The following EGFL7 variants were observed in gnomAD, a reference collection of about 807,000 sequenced individuals.
The protein encoded by EGFL7 is EGF like domain multiple 7.
A neutral mutation model predicts 37.1 loss-of-function variants in EGFL7; 48 were observed. That is an observed-to-expected ratio of 1.29 (90% CI 1.03 to 1.65). The LOEUF is 1.65. EGFL7 is among the 40% of genes most tolerant of loss of function. The pLI is 0.00. For synonymous variants in EGFL7, 180 were observed against 156.8 expected (o/e 1.15, Z -1.10); for missense variants, 384 against 378.9 (o/e 1.01, Z -0.11).
chr9:136,668,419 C>A, intron 4 of EGFL7, 57 bp downstream of exon 4: 1 of 1,526,232 alleles, frequency 6.6e-7, no homozygotes, highest in Non-Finnish European at 8.8e-7. Context: ...GCCCTCAGCA[C>A]CTCCTAGAGG....
At chr9:136,662,420 C>T (rs969926982), upstream of EGFL7, among the ~76,000 whole-genome samples, 86 of 152,336 alleles carry the variant, frequency 5.6e-4, no homozygotes, top group African/African-American at 1.9e-3. Context: ...CCTCGCCACT[C>T]GCCATCCCTC....
At chr9:136,668,743 G>C in intron 5 of EGFL7, 70 bp downstream of exon 5, 2 of 1,290,894 alleles carry the variant, frequency 1.5e-6, no homozygotes, top group Non-Finnish European at 1.1e-6. Context: ...AGCATGTCAG[G>C]GGCGAGGCGG....
intron 8 of EGFL7, 181 bp from the exon 9 acceptor site, chr9:136,670,769 G>C: frequency 1.4e-6 from 1 of 732,394 alleles, no homozygotes; most frequent in East Asian, 2.6e-5. Flanking sequence ...AGAGCCACCC[G>C]CCCCGACGTA....
At chr9:136,670,436 G>T in intron 8 of EGFL7, 106 bp downstream of exon 8, 1 of 1,338,304 alleles carries the variant, frequency 7.5e-7, no homozygotes, top group Non-Finnish European at 1.0e-6. Flanking sequence ...GCGGAAGGCG[G>T]TGGGGACTCC....
upstream of EGFL7, among the ~76,000 whole-genome samples, chr9:136,660,934 C>T (rs759168158): frequency 6.6e-5 from 10 of 152,312 alleles, no homozygotes; most frequent in Admixed American, 1.3e-4. Context: ...CTGGATCTAG[C>T]CCACCCCATG....
chr9:136,664,055 A>G (rs1468759080), intron 2 of EGFL7, among the ~76,000 whole-genome samples: 1 of 151,832 alleles, frequency 6.6e-6, no homozygotes, highest in East Asian at 2.0e-4. Flanking sequence ...TCCCACCCAG[A>G]GGCCCCCTAG....
chr9:136,670,742 A>C (rs947228394), intron 8 of EGFL7: 1 of 738,412 alleles, frequency 1.4e-6, no homozygotes, highest in African/African-American at 1.7e-5. Flanking sequence ...CGTGGCCGGG[A>C]CCCTGAGCCT....
chr9:136,666,998 C>T lies in EGFL7; in HGVS notation c.-42-1243C>T, dbSNP rs145526939. On this transcript the variant is annotated intron_variant, in intron 3 of 10. Coordinates refer to ENST00000308874, the MANE Select transcript of EGFL7 (RefSeq NM_016215.5). This position sits in a 1 kb window ranked among gnomAD's most constrained non-coding sequence, Gnocchi z 6.8. ...GGCAGCCTCTGCCCTGCCCTCCTCT[C>T]TCCAGCGCACAGAGGACTGGAGGCC... 9.2e-3 allele frequency among the ~76,000 whole-genome samples: 1,399 copies of T among 152,216 alleles called. 23 individuals carry two copies. Among genetic ancestry groups the T allele is most frequent in the African/African-American group, 0.031 (1,287 of 41,508 alleles).
In EGFL7 at chr9:136,666,140, G is replaced by C. The variant is rs940154255; in HGVS notation, c.-43+1355G>C. On this transcript the variant is annotated intron_variant, in intron 3 of 10. Coordinates refer to ENST00000308874, the MANE Select transcript of EGFL7 (RefSeq NM_016215.5). The surrounding 1 kb of genome is among the most constrained non-coding windows in gnomAD (Gnocchi z 6.8). ...CTCGTCCGACCCGGCGCGACTCAGCGCCTCGGGGCCCAGCCTGTGCCGCCT... is the reference window on the plus strand; with the variant it reads ...CTCGTCCGACCCGGCGCGACTCAGCCCCTCGGGGCCCAGCCTGTGCCGCCT... Among the ~76,000 whole-genome samples, 1 of 149,156 alleles carries C rather than the reference G, an allele frequency of 6.7e-6. No homozygotes were observed. The highest frequency in any genetic ancestry group is 2.4e-5 in the African/African-American group (1 of 41,122).
rs1002807658 is a variant in EGFL7, at chr9:136,666,199, G to A, written c.-43+1414G>A. On this transcript the variant is annotated intron_variant, in intron 3 of 10. Transcript: ENST00000308874. The surrounding 1 kb of genome is among the most constrained non-coding windows in gnomAD (Gnocchi z 6.8). ...CCCCGCGAACCCCGGAGCCAGCAGCGCGGCTGGGAGGGGGCGGCGGGCAGG... is the reference window on the plus strand; with the variant it reads ...CCCCGCGAACCCCGGAGCCAGCAGCACGGCTGGGAGGGGGCGGCGGGCAGG... Among the ~76,000 whole-genome samples the A allele has an allele frequency of 6.6e-6, 1 of 150,956 alleles. No homozygotes were observed. The highest frequency in any genetic ancestry group is 1.5e-5 in the Non-Finnish European group (1 of 67,504).
chr9:136,671,023 TTGGTGGGGGG>T lies in EGFL7; in HGVS notation c.636+10_636+19del. On this transcript the variant is annotated intron_variant, in intron 9 of 10. Transcript: ENST00000308874. ...TGGACCTGCTGGAGGAGGTGAGGCA[TTGGTGGGGGG>T]GGGGGGGGGCAGGCAGTCCAGGGTG... 1.7e-6 allele frequency: 1 copy of T among 572,930 alleles called. No homozygotes were observed. The highest frequency in any genetic ancestry group is 1.1e-4 in the East Asian group (1 of 8,878). The allele number at this position is 572,930 out of a possible 1,614,324, so 35.5% of individuals were successfully genotyped here. A position where few individuals can be genotyped will look rare whatever the true frequency, so the allele number is the denominator to read the frequency against.
At chr9:136,670,074 G>T in intron 7 of EGFL7, 65 bp downstream of exon 7, 1 of 1,599,932 alleles carries the variant, frequency 6.3e-7, no homozygotes, top group South Asian at 1.1e-5. Flanking sequence ...ATGTCCTGGG[G>T]TTACTGCTGG....
Position 136,670,326 on chromosome 9 carries a change from G to C in EGFL7, c.567G>C (p.Pro189=), listed in dbSNP as rs370399233. The change falls in exon 8 of 11, where the codon CCG becomes CCC. Residue 189 remains proline, a synonymous_variant. Transcript: ENST00000308874. The part of the protein sequence containing the change: ...KGGPPRVAPN[P]TGVDSAMKEE... ...GGCCCCCCAGGGTGGCCCCCAACCC[G>C]ACAGGTAAACAGCCCTGGCTGTGCC... The C allele has an allele frequency of 2.5e-6, 4 of 1,569,912 alleles. No individual in the cohort carries two copies. The South Asian group carries it at 4.6e-5, about 18-fold the overall frequency.
chr9:136,672,587 G>A lies in EGFL7; in HGVS notation c.*301G>A. ...GTACGAGCTCCCTGCTGGAGCCTGG[G>A]ACCCATGGCACAGGCCAGGCAGCCC... On this transcript the variant is annotated 3_prime_UTR_variant, in exon 11 of 11. Transcript: ENST00000308874. 1.8e-6 allele frequency: 1 copy of A among 550,432 alleles called. No individual in the cohort carries two copies. The highest frequency in any genetic ancestry group is 2.4e-5 in the South Asian group (1 of 42,142). The allele number at this position is 550,432 out of a possible 1,614,324, so 34.1% of individuals were successfully genotyped here. A position where few individuals can be genotyped will look rare whatever the true frequency, so the allele number is the denominator to read the frequency against.
upstream of EGFL7, among the ~76,000 whole-genome samples, chr9:136,661,184 G>C (rs560800483): frequency 4.7e-4 from 71 of 152,288 alleles, 1 homozygote; most frequent in South Asian, 0.014. Flanking sequence ...CCAGGGGCGA[G>C]GGCAGAGTCT....
Position 136,671,905 on chromosome 9 carries a change from ACTGCCCTTCTGCACCCACAGAAG to A in EGFL7, c.637-16_643del. ...AGAGGGCGGGGGCCGGCCCAGGGTCACTGCCCTTCTGCACCCACAGAAGCTGCAGCTGGTGCTGGCCCCACTGC... is the reference window on the plus strand; with the variant it reads ...AGAGGGCGGGGGCCGGCCCAGGGTCACTGCAGCTGGTGCTGGCCCCACTGC... On this transcript the variant is annotated splice_acceptor_variant and splice_polypyrimidine_tract_variant and coding_sequence_variant and intron_variant, in exon 10 of 11. Coordinates refer to ENST00000308874, the MANE Select transcript of EGFL7 (RefSeq NM_016215.5). LOFTEE classifies it high-confidence loss of function. 1 of 1,477,708 alleles carries A rather than the reference ACTGCCCTTCTGCACCCACAGAAG, an allele frequency of 6.8e-7. No homozygotes were observed. Among genetic ancestry groups the A allele is most frequent in the Non-Finnish European group, 9.0e-7 (1 of 1,114,746 alleles). 91.5% of individuals were successfully genotyped at this position (1,477,708 alleles called of 1,614,324 possible).
At position 136,669,898 on chromosome 9, in the gene EGFL7, C is replaced by T. The variant is rs1423467339; in HGVS notation, c.314-16C>T. On this transcript the variant is annotated splice_polypyrimidine_tract_variant and intron_variant, in intron 6 of 10. Coordinates refer to ENST00000308874, the MANE Select transcript of EGFL7 (RefSeq NM_016215.5). ...GGGACCCAACTGAGCTGGTGACCAG[C>T]CTCCCCCGCCCACAGCAATATGCCA... 7.7e-6 allele frequency: 12 copies of T among 1,564,986 alleles called. No homozygotes were observed. The highest frequency in any genetic ancestry group is 1.0e-5 in the Non-Finnish European group (12 of 1,155,838).
At position 136,669,285 on chromosome 9, in the gene EGFL7, C is replaced by T. The variant is rs990194154; in HGVS notation, c.198-321C>T. ...CACTCTGCCGTGACTCGCCGTAGGC[C>T]GGGCACACCCTCTCCTCTGGGCCTG... On this transcript the variant is annotated intron_variant, in intron 5 of 10. Coordinates refer to ENST00000308874, the MANE Select transcript of EGFL7 (RefSeq NM_016215.5). Among the ~76,000 whole-genome samples the T allele has an allele frequency of 3.9e-5, 6 of 152,352 alleles. No individual in the cohort carries two copies. The East Asian group carries it at 5.8e-4, about 15-fold the overall frequency.
rs1329613880 is a variant in EGFL7, at chr9:136,670,014, G to A, written c.409+5G>A. 1.3e-6 allele frequency: 2 copies of A among 1,593,158 alleles called. No individual in the cohort carries two copies. Among genetic ancestry groups the A allele is most frequent in the South Asian group, 1.1e-5 (1 of 89,028 alleles). On this transcript the variant is annotated splice_donor_5th_base_variant and intron_variant, in intron 7 of 10. Transcript: ENST00000308874. The stretch of plus-strand genomic sequence containing the variant: ...GGGGTGACACTTGCCAGTCAGGTGA[G>A]GCTGGCTCTACCCTGGGGGGCCCTG...
Sources: gnomAD v4.1 joint callset for allele counts (sites outside exome capture counted in the v4.1 genomes callset) on GRCh38, gnomAD v4.1.1 for gene constraint, Gnocchi (gnomAD v3.1) non-coding constraint, MANE v1.5 for transcripts, NCBI Gene and HGNC (gene_info 2026-07-23, HGNC 2026-07-21) for gene names.